The following SIN3A variants were observed in gnomAD, a reference collection of about 807,000 sequenced individuals.
SIN3A encodes SIN3 transcription regulator family member A, also known as paired amphipathic helix protein Sin3a.
Under a neutral mutation model 146.1 loss-of-function variants are expected in SIN3A, and 14 were observed. The ratio of observed to expected loss-of-function variants is 0.10; its 90% CI spans 0.06 to 0.15. The LOEUF is 0.15. Among genes scored for constraint, SIN3A ranks in the 10% least tolerant of loss-of-function variants. The pLI is 1.00. For missense variants in SIN3A, 1,028 were observed against 1,576.0 expected, an observed-to-expected ratio of 0.65 and a Z score of 5.89; for synonymous variants, 572 against 572.0, an observed-to-expected ratio of 1.00 and a Z score of 0.00.
At position 75,380,649 on chromosome 15, in the gene SIN3A, C is replaced by G; in HGVS notation, c.3363G>C (p.Gln1121His). 6.2e-7 allele frequency: 1 copy of G among 1,613,738 alleles called. No homozygotes were observed. Among genetic ancestry groups the G allele is most frequent in the Non-Finnish European group, 8.5e-7 (1 of 1,179,662 alleles). Residue 1121 changes from glutamine (Q) to histidine (H), a missense_variant, in exon 19 of 21, where the codon CAG becomes CAC. By Grantham distance (24) the Gln-to-His change is conservative (BLOSUM62 0). Coordinates refer to ENST00000394947, the MANE Select transcript of SIN3A (RefSeq NM_001145358.2). The stretch of plus-strand genomic sequence containing the variant: ...CTCACCTGGGGAGAAATACTGGTTT[C>G]TGTGCTAGATGTTCACGAAGCTCAG... Reference protein sequence around the residue: ...TSPELREHLAQKPVFLPRNLR... With the variant: ...TSPELREHLAHKPVFLPRNLR...
rs1041161778 is a variant in SIN3A, at chr15:75,370,273, A to G, written c.*1706T>C. On this transcript the variant is annotated 3_prime_UTR_variant, in exon 21 of 21. Transcript: ENST00000394947. ...AAGCCTAAAATCAGAGAGGTCTACCATGTGTTTTGAAAATCCAGGAGCCAA... is the reference window on the plus strand; with the variant it reads ...AAGCCTAAAATCAGAGAGGTCTACCGTGTGTTTTGAAAATCCAGGAGCCAA... 6.6e-6 allele frequency: 1 copy of G among 152,202 alleles called. No homozygotes were observed. Among genetic ancestry groups the G allele is most frequent in the African/African-American group, 2.4e-5 (1 of 41,446 alleles). The allele number at this position is 152,202 out of a possible 1,614,324, so 9.4% of individuals were successfully genotyped here. A position where few individuals can be genotyped will look rare whatever the true frequency, so the allele number is the denominator to read the frequency against.
intron 1 of SIN3A, among the ~76,000 whole-genome samples, chr15:75,433,690 G>C (rs2074053767): frequency 6.6e-6 from 1 of 151,930 alleles, no homozygotes; most frequent in African/African-American, 2.4e-5. Context: ...GGCACCTGTA[G>C]TCCTAGCTAC....
chr15:75,433,788 G>T (rs568990468), intron 1 of SIN3A, among the ~76,000 whole-genome samples: 1 of 151,852 alleles, frequency 6.6e-6, no homozygotes, highest in Non-Finnish European at 1.5e-5. Context: ...CAGCCTGGGC[G>T]ACAGAGCAAG....
At chr15:75,381,551 C>T in intron 18 of SIN3A, 62 bp downstream of exon 18, 1 of 1,305,452 alleles carries the variant, frequency 7.7e-7, no homozygotes, top group South Asian at 1.2e-5. Flanking sequence ...GGTCACTGGA[C>T]AGACTCTCAA....
In SIN3A at chr15:75,371,713, G is replaced by A; in HGVS notation, c.*266C>T. The A allele has an allele frequency of 2.2e-6, 1 of 456,846 alleles. No homozygotes were observed. The highest frequency in any genetic ancestry group is 3.9e-6 in the Non-Finnish European group (1 of 256,222). 28.3% of individuals were successfully genotyped at this position (456,846 alleles called of 1,614,324 possible). On this transcript the variant is annotated 3_prime_UTR_variant, in exon 21 of 21. Transcript: ENST00000394947. ...GCAAGCAAACTGCATGTCTTTGCTT[G>A]CATGGACTTCCTTCCCCTCCAGGGC...
chr15:75,393,579 C>T (rs1325950443), intron 14 of SIN3A, among the ~76,000 whole-genome samples: 5 of 151,998 alleles, frequency 3.3e-5, no homozygotes, highest in African/African-American at 4.8e-5. Flanking sequence ...TTCACCATGT[C>T]GGCCAGGCTG....
At chr15:75,433,345 G>A (rs2074047500) in intron 1 of SIN3A, among the ~76,000 whole-genome samples, 1 of 152,138 alleles carries the variant, frequency 6.6e-6, no homozygotes, top group Non-Finnish European at 1.5e-5. Context: ...AAAGAAGATT[G>A]TAGTGAGCTT....
At chr15:75,433,866 ACT>A (rs1200731460) in intron 1 of SIN3A, among the ~76,000 whole-genome samples, 1 of 151,902 alleles carries the variant, frequency 6.6e-6, no homozygotes, top group Non-Finnish European at 1.5e-5. Flanking sequence ...TCTATTCCTA[ACT>A]CTCTCTCAAA....
In SIN3A at chr15:75,375,889, C is replaced by A; in HGVS notation, c.3384-17G>T. On this transcript the variant is annotated splice_polypyrimidine_tract_variant and intron_variant, in intron 19 of 20. Coordinates refer to ENST00000394947, the MANE Select transcript of SIN3A (RefSeq NM_001145358.2). ...CGTAGATTCCTATTGCAGAAAAGCC[C>A]CGGAGGATGAGAGCTCGTCCAGATG... The A allele has an allele frequency of 6.2e-7, 1 of 1,613,140 alleles. No individual in the cohort carries two copies. Among genetic ancestry groups the A allele is most frequent in the East Asian group, 2.2e-5 (1 of 44,884 alleles).
rs370704793 is a variant in SIN3A at position 75,396,702 on chromosome 15, A to G, written c.1855-206T>C. 2.6e-5 allele frequency among the ~76,000 whole-genome samples: 4 copies of G among 152,338 alleles called. No individual in the cohort carries two copies. The East Asian group carries it at 5.8e-4, about 22-fold the overall frequency. On this transcript the variant is annotated intron_variant, in intron 12 of 20. Transcript: ENST00000394947. ...CAACCCTGTGTCTGGATTAAATGATACAATCCACATAAAGTATTTAGCACA... is the reference window on the plus strand; with the variant it reads ...CAACCCTGTGTCTGGATTAAATGATGCAATCCACATAAAGTATTTAGCACA...
At chr15:75,401,080 G>C in intron 10 of SIN3A, 140 bp from the exon 11 acceptor site, 1 of 635,748 alleles carries the variant, frequency 1.6e-6, no homozygotes, top group South Asian at 1.9e-5. Flanking sequence ...AACTGCTTCT[G>C]AGCATTTGGT....
At position 75,441,078 on chromosome 15, in the gene SIN3A, C is replaced by T. The variant is rs370862729; in HGVS notation, c.-34+10345G>A. 1.6e-3 allele frequency among the ~76,000 whole-genome samples: 237 copies of T among 151,346 alleles called. 6 individuals are homozygous for T. In the South Asian group the frequency reaches 0.048, roughly 31 times the overall value. ...ATCTCAGTACTTTGGGAGGCCAAGT[C>T]GGGTAGATCACGTGAGGTGAGGAGC... On this transcript the variant is annotated intron_variant, in intron 1 of 20. Transcript: ENST00000394947.
chr15:75,399,762 T>G (rs533166506), intron 12 of SIN3A, among the ~76,000 whole-genome samples: 1 of 152,312 alleles, frequency 6.6e-6, no homozygotes, highest in East Asian at 1.9e-4. Context: ...AATCTTAAAA[T>G]GCCATGCAAA....
chr15:75,409,011 C>T (rs1054741784), intron 8 of SIN3A, among the ~76,000 whole-genome samples: 66 of 152,208 alleles, frequency 4.3e-4, no homozygotes, highest in African/African-American at 1.6e-3. Context: ...CAAGACCAGC[C>T]TGGCCAACAT....
At chr15:75,410,350 G>A (rs558381381) in intron 6 of SIN3A, 64 bp from the exon 7 acceptor site, 59 of 1,496,860 alleles carry the variant, frequency 3.9e-5, no homozygotes, top group Non-Finnish European at 5.2e-5. Flanking sequence ...ATCTTTGCAC[G>A]CTTTCTGGAA....
rs1411668926 is a variant in SIN3A, at chr15:75,375,766, T to C, written c.3490A>G (p.Lys1164Glu). Reference protein sequence around the residue: ...KTMENVDSLDKLECRFKLNSY... With the variant: ...KTMENVDSLDELECRFKLNSY... ...TTCAGCTTGAATCTACACTCCAGCT[T>C]ATCCAGACTATCCACATTCTCCATG... is the stretch of plus-strand genomic sequence containing the variant. Residue 1164 changes from lysine (K) to glutamate (E), a missense_variant, in exon 20 of 21, where the codon AAG becomes GAG. Physicochemically the swap from Lys to Glu is moderately conservative, Grantham distance 56. Coordinates refer to ENST00000394947, the MANE Select transcript of SIN3A (RefSeq NM_001145358.2). 6.2e-7 allele frequency: 1 copy of C among 1,614,178 alleles called. No homozygotes were observed. Among genetic ancestry groups the C allele is most frequent in the Non-Finnish European group, 8.5e-7 (1 of 1,180,010 alleles).
chr15:75,409,798 TGTGA>T (rs762538947), intron 8 of SIN3A, 34 bp downstream of exon 8: 2 of 1,602,972 alleles, frequency 1.2e-6, no homozygotes, highest in East Asian at 2.2e-5. Flanking sequence ...TAGAAATACT[TGTGA>T]GTGTCAAAAT....
At chr15:75,410,925 A>G (rs1475081776) in intron 6 of SIN3A, among the ~76,000 whole-genome samples, 1 of 150,068 alleles carries the variant, frequency 6.7e-6, no homozygotes, top group Non-Finnish European at 1.5e-5. Context: ...CAGTGAGCCG[A>G]CACTGCACTA....
At chr15:75,451,812 T>G (rs1348523579), upstream of SIN3A, 1 of 150,496 alleles carries the variant, frequency 6.6e-6, no homozygotes. Context: ...GCCTGTCTTA[T>G]GATTTTCCCG....
Sources: gnomAD v4.1 joint callset for allele counts (sites outside exome capture counted in the v4.1 genomes callset) on GRCh38, gnomAD v4.1.1 for gene constraint, MANE v1.5 for transcripts, NCBI Gene and HGNC (gene_info 2026-07-23, HGNC 2026-07-21) for gene names.